The following MYO18B variants were observed in gnomAD, a reference collection of about 807,000 sequenced individuals.
MYO18B encodes the protein myosin XVIIIB, also known as unconventional myosin-XVIIIb.
MYO18B carries 204 observed loss-of-function variants against 273.0 expected under a neutral mutation model. The observed-to-expected ratio is 0.75, with a 90% CI of 0.67 to 0.84. The LOEUF is 0.84. Ranked by LOEUF, MYO18B falls within the 40% of genes least tolerant of loss-of-function variation. The pLI is 0.00. For missense variants in MYO18B, 3,212 were observed against 3,287.6 expected (o/e 0.98, Z 0.56); for synonymous variants, 1,330 against 1,305.7 (o/e 1.02, Z -0.40).
At chr22:26,045,915 C>T in the MYO18B span, among the ~76,000 whole-genome samples, 3 of 152,168 alleles carry the variant, frequency 2.0e-5, no homozygotes, top group South Asian at 2.1e-4. Context: ...GCAGTGTTAT[C>T]GTGACAACAG....
rs55683361 is a variant in MYO18B, at chr22:25,882,805, A to G, written c.4314+4757A>G. ...GTTTTTTTACATGGATGTATTGCAT[A>G]GTGATGAAGTCTGGGCTTTTAGTGC... On this transcript the variant is annotated intron_variant, in intron 25 of 43. Transcript: ENST00000335473. 2.3e-3 allele frequency among the ~76,000 whole-genome samples: 352 copies of G among 152,322 alleles called. 1 individual carries two copies. Among genetic ancestry groups the G allele is most frequent in the African/African-American group, 7.9e-3 (328 of 41,570 alleles).
chr22:25,760,338 G>A lies in MYO18B; in HGVS notation c.-109-646G>A, dbSNP rs142576861. Among the ~76,000 whole-genome samples the A allele has an allele frequency of 1.5e-3, 229 of 150,794 alleles. 2 individuals carry two copies. The highest frequency in any genetic ancestry group is 5.4e-3 in the African/African-American group (221 of 41,004). On this transcript the variant is annotated intron_variant, in intron 1 of 43. Transcript: ENST00000335473. Reference sequence around the variant, plus strand: ...GCTGAGGCAGAATTGCTGGAACTGGGGAGGTGGAGGTTGCAGTGAGCTGAG... The same window carrying A: ...GCTGAGGCAGAATTGCTGGAACTGGAGAGGTGGAGGTTGCAGTGAGCTGAG...
the MYO18B span, among the ~76,000 whole-genome samples, chr22:26,054,310 A>G: frequency 6.6e-6 from 1 of 152,206 alleles, no homozygotes; most frequent in African/African-American, 2.4e-5. Flanking sequence ...CCAGAGCTCA[A>G]TTAAATTATC....
chr22:25,908,337 G>A lies in MYO18B; in HGVS notation c.5164G>A (p.Glu1722Lys), dbSNP rs2092089387. The stretch of plus-strand genomic sequence containing the variant: ...GCCCCCGCAGCTCCGCCAGCGGTTT[G>A]AGCTGGAGATCGAGCGGATGAAGCA... ...KQLEQLRQRF[E>K]LEIERMKQMH... The change falls in exon 32 of 44, where the codon GAG becomes AAG. Residue 1722 changes from glutamate (E) to lysine (K), a missense_variant. Coordinates refer to ENST00000335473, the MANE Select transcript of MYO18B (RefSeq NM_032608.7). 6.3e-7 allele frequency: 1 copy of A among 1,589,650 alleles called. No homozygotes were observed. Among genetic ancestry groups the A allele is most frequent in the South Asian group, 1.2e-5 (1 of 86,674 alleles).
chr22:25,895,033 A>G (rs2091763081), intron 27 of MYO18B, 123 bp from the exon 28 acceptor site: 2 of 1,206,884 alleles, frequency 1.7e-6, no homozygotes, highest in East Asian at 2.6e-5. Context: ...GTTGAGGCTC[A>G]AGGGCTCTGT....
intron 10 of MYO18B, among the ~76,000 whole-genome samples, chr22:25,783,723 AT>A (rs1395549740): frequency 1.3e-5 from 2 of 152,242 alleles, no homozygotes; most frequent in African/African-American, 4.8e-5. Context: ...GGGGCCCTCC[AT>A]GCTGGTGGCA....
the MYO18B span, among the ~76,000 whole-genome samples, chr22:26,039,563 C>T: frequency 2.0e-5 from 3 of 152,106 alleles, no homozygotes; most frequent in African/African-American, 7.2e-5. Context: ...GGGAATGCTG[C>T]CACAGCCTCC....
At chr22:25,905,385 A>T (rs866446528) in intron 31 of MYO18B, among the ~76,000 whole-genome samples, 12 of 152,194 alleles carry the variant, frequency 7.9e-5, no homozygotes, top group African/African-American at 2.4e-4. Context: ...CACTCTGTGG[A>T]TGCTGAGGGT....
chr22:26,016,326 A>G (rs1024945534), intron 42 of MYO18B, among the ~76,000 whole-genome samples: 1 of 152,224 alleles, frequency 6.6e-6, no homozygotes, highest in African/African-American at 2.4e-5. Flanking sequence ...GGGAAGTTCT[A>G]TTCCCTTCTC....
At chr22:25,908,924 G>T (rs1268727640) in intron 32 of MYO18B, among the ~76,000 whole-genome samples, 2 of 152,164 alleles carry the variant, frequency 1.3e-5, no homozygotes, top group African/African-American at 4.8e-5. Context: ...GTACACACAT[G>T]CAGATTTGCA....
intron 18 of MYO18B, among the ~76,000 whole-genome samples, chr22:25,844,611 A>G (rs2090181124): frequency 6.6e-6 from 1 of 152,226 alleles, no homozygotes; most frequent in Admixed American, 6.5e-5. Flanking sequence ...CACATGAGAA[A>G]AATTGAGGCC....
At chr22:25,969,365 T>G (rs1033854179) in intron 39 of MYO18B, among the ~76,000 whole-genome samples, 2 of 152,196 alleles carry the variant, frequency 1.3e-5, no homozygotes, top group African/African-American at 4.8e-5. Flanking sequence ...AGCTCCCCAT[T>G]AGGGCTCATC....
At chr22:25,990,990 GTTATTTGC>G (rs1193472295) in intron 39 of MYO18B, among the ~76,000 whole-genome samples, 1 of 151,864 alleles carries the variant, frequency 6.6e-6, no homozygotes, top group Non-Finnish European at 1.5e-5. Flanking sequence ...CTCCATGAGT[GTTATTTGC>G]ATAGACTTGA....
the MYO18B span, among the ~76,000 whole-genome samples, chr22:26,059,075 A>G: frequency 7.2e-5 from 11 of 152,018 alleles, no homozygotes; most frequent in Admixed American, 5.2e-4. Context: ...GGAGAAAAGG[A>G]CAATATAATA....
At chr22:25,789,744 A>G (rs1302431208) in intron 11 of MYO18B, among the ~76,000 whole-genome samples, 2 of 152,162 alleles carry the variant, frequency 1.3e-5, no homozygotes, top group Non-Finnish European at 2.9e-5. Context: ...CAAACCAGAA[A>G]ACAAGCGCCA....
chr22:25,847,484 G>C lies in MYO18B; in HGVS notation c.3607G>C (p.Val1203Leu). Residue 1203 changes from valine to leucine, a missense_variant, in exon 20 of 44, where the codon GTA becomes CTA. Physicochemically the swap from Val to Leu is conservative, Grantham distance 32. Transcript: ENST00000335473. The part of the protein sequence containing the change: ...RSRLHFIHCL[V>L]PNPVVESRSG... The stretch of plus-strand genomic sequence containing the variant: ...CCGGCTGCACTTTATCCACTGCCTG[G>C]TACCAAACCCTGTGGTGGAAAGCAG... The C allele has an allele frequency of 5.7e-6, 9 of 1,582,606 alleles. No homozygotes were observed. The highest frequency in any genetic ancestry group is 7.7e-6 in the Non-Finnish European group (9 of 1,164,114).
intron 39 of MYO18B, among the ~76,000 whole-genome samples, chr22:25,981,777 G>T (rs113477053): frequency 6.6e-5 from 10 of 152,176 alleles, no homozygotes; most frequent in African/African-American, 2.4e-4. Context: ...ATAATAAAAA[G>T]ACATTTGGCT....
Position 25,769,276 on chromosome 22 carries a change from G to T in MYO18B, c.1360G>T (p.Asp454Tyr). 6.3e-7 allele frequency: 1 copy of T among 1,587,030 alleles called. No individual in the cohort carries two copies. The highest frequency in any genetic ancestry group is 8.6e-7 in the Non-Finnish European group (1 of 1,167,106). The stretch of plus-strand genomic sequence containing the variant: ...AGAGGAGCCCTGCTCAAGAGCAGGT[G>T]ATGGGGCTGGTGCCCTGGAGACAGA... ...EAEEPCSRAG[D>Y]GAGALETELE... The change falls in exon 4 of 44, where the codon GAT becomes TAT. Residue 454 changes from aspartate (D) to tyrosine (Y), a missense_variant. Physicochemically the swap from Asp to Tyr is radical, Grantham distance 160. Transcript: ENST00000335473.
chr22:25,763,402 TAAG>T lies in MYO18B; in HGVS notation c.198+17_198+19del, dbSNP rs141996383. On this transcript the variant is annotated intron_variant, in intron 3 of 43. Coordinates refer to ENST00000335473, the MANE Select transcript of MYO18B (RefSeq NM_032608.7). ...TCCAGAACGAGAGGTAAGTGGTTCC[TAAG>T]AAGGAGGACCGTATGCGTTTCCATA... 16,589 of 1,603,534 alleles carry T rather than the reference TAAG, an allele frequency of 0.01. 479 individuals carry two copies. The East Asian group carries it at 0.11, about 11-fold the overall frequency.
Sources: gnomAD v4.1 joint callset for allele counts (sites outside exome capture counted in the v4.1 genomes callset) on GRCh38, gnomAD v4.1.1 for gene constraint, MANE v1.5 for transcripts, NCBI Gene and HGNC (gene_info 2026-07-23, HGNC 2026-07-21) for gene names.